The following GTSE1 variants were observed in gnomAD, a reference collection of about 807,000 sequenced individuals.
GTSE1 encodes the protein G2 and S-phase expressed 1.
Under a neutral mutation model 60.5 loss-of-function variants are expected in GTSE1, and 52 were observed. That is an observed-to-expected ratio of 0.86 (90% confidence interval 0.69 to 1.08). The LOEUF (loss-of-function observed/expected upper bound fraction) is 1.08, where lower values mean the gene tolerates loss of function less well. GTSE1 is among the 50% of genes least tolerant of loss of function. The probability of loss-of-function intolerance (pLI) is 0.00; values close to 1 mark genes in which losing one functional copy is unlikely to be tolerated. For synonymous variants in GTSE1, 368 were observed against 386.5 expected, an observed-to-expected ratio of 0.95 and a Z score of 0.56; for missense variants, 937 against 961.8, an observed-to-expected ratio of 0.97 and a Z score of 0.34.
Position 46,321,266 on chromosome 22 carries a change from T to C in GTSE1, c.1433-1924T>C, listed in dbSNP as rs912420302. On this transcript the variant is annotated intron_variant, in intron 7 of 11. Transcript: ENST00000454366. This position sits in a 1 kb window ranked among gnomAD's most constrained non-coding sequence, Gnocchi z 4.0. ...TTCTACAAAAACATTTAGCTGGGCA[T>C]GGTGCTGGGCACCTGTAGTCCCAGC... 2.0e-5 allele frequency among the ~76,000 whole-genome samples: 3 copies of C among 152,112 alleles called. No individual in the cohort carries two copies. Among genetic ancestry groups the C allele is most frequent in the Non-Finnish European group, 4.4e-5 (3 of 68,008 alleles).
In GTSE1 at chr22:46,297,944, C is replaced by T. The variant is rs1467249389; in HGVS notation, c.79+465C>T. Among the ~76,000 whole-genome samples, 1 of 151,868 alleles carries T rather than the reference C, an allele frequency of 6.6e-6. No homozygotes were observed. Among genetic ancestry groups the T allele is most frequent in the Non-Finnish European group, 1.5e-5 (1 of 68,018 alleles). ...GAGTTACAGGCCACACCCTCTTTTT[C>T]TCTCAAAGCGTTTTTATTTATTTAT... is the stretch of plus-strand genomic sequence containing the variant. On this transcript the variant is annotated intron_variant, in intron 2 of 11. Coordinates refer to ENST00000454366, the MANE Select transcript of GTSE1 (RefSeq NM_016426.7). This position sits in a 1 kb window ranked among gnomAD's most constrained non-coding sequence, Gnocchi z 4.9.
chr22:46,326,558 C>T lies in GTSE1; in HGVS notation c.1628C>T (p.Pro543Leu), dbSNP rs752467450. Residue 543 changes from proline (P) to leucine (L), a missense_variant, in exon 9 of 12, where the codon CCG becomes CTG. By Grantham distance (98) the Pro-to-Leu change is moderately conservative (BLOSUM62 -3). Coordinates refer to ENST00000454366, the MANE Select transcript of GTSE1 (RefSeq NM_016426.7). ...AGCCGGCGCTGCTCTGGCCTTCCAC[C>T]GATGACCCCCAAAACGATGCCCAGG... Reference protein sequence around the residue: ...PASRRCSGLPPMTPKTMPRAV... With the variant: ...PASRRCSGLPLMTPKTMPRAV... The T allele has an allele frequency of 2.5e-5, 41 of 1,614,010 alleles. No individual in the cohort carries two copies. Among genetic ancestry groups the T allele is most frequent in the South Asian group, 8.8e-5 (8 of 91,066 alleles).
At position 46,308,312 on chromosome 22, in the gene GTSE1, C is replaced by G. The variant is rs1231713745; in HGVS notation, c.138-7C>G. ...AGTTATTAATCATTCTTTTTTTAAA[C>G]AAATAGTGCAAATGAAGATGATGAA... On this transcript the variant is annotated splice_region_variant and splice_polypyrimidine_tract_variant and intron_variant, in intron 3 of 11. Coordinates refer to ENST00000454366, the MANE Select transcript of GTSE1 (RefSeq NM_016426.7). 1 of 1,609,926 alleles carries G rather than the reference C, an allele frequency of 6.2e-7. No homozygotes were observed. The highest frequency in any genetic ancestry group is 1.7e-5 in the Admixed American group (1 of 59,570).
chr22:46,320,712 C>T lies in GTSE1; in HGVS notation c.1433-2478C>T, dbSNP rs145238523. Among the ~76,000 whole-genome samples the T allele has an allele frequency of 2.8e-3, 428 of 152,306 alleles. 3 individuals are homozygous for T. The highest frequency in any genetic ancestry group is 9.6e-3 in the African/African-American group (399 of 41,566). ...GCTATTTACTATGAGTCCATGCTGC[C>T]GGGTCACCCAGAGGATTGAGACTTG... On this transcript the variant is annotated intron_variant, in intron 7 of 11. Coordinates refer to ENST00000454366, the MANE Select transcript of GTSE1 (RefSeq NM_016426.7). The surrounding 1 kb of genome is among the most constrained non-coding windows in gnomAD (Gnocchi z 7.1).
chr22:46,298,892 C>T (rs571491894), intron 2 of GTSE1, among the ~76,000 whole-genome samples: 1 of 152,292 alleles, frequency 6.6e-6, no homozygotes, highest in East Asian at 1.9e-4. Context: ...TCTCACTTGT[C>T]GCCACGTCTC....
At position 46,309,827 on chromosome 22, in the gene GTSE1, G is replaced by A. The variant is rs751924554; in HGVS notation, c.762+884G>A. 5.3e-5 allele frequency among the ~76,000 whole-genome samples: 8 copies of A among 152,330 alleles called. 1 individual carries two copies. The South Asian group carries it at 8.3e-4, about 16-fold the overall frequency. On this transcript the variant is annotated intron_variant, in intron 4 of 11. Transcript: ENST00000454366. The surrounding 1 kb of genome is among the most constrained non-coding windows in gnomAD (Gnocchi z 6.2). The stretch of plus-strand genomic sequence containing the variant: ...CTGCAAACTCCTTTATTTGGAGCCC[G>A]TTTGGGATGTAGATTCCTACCGTGA...
rs1252186594 is a variant in GTSE1, at chr22:46,317,834, G to A, written c.1432+1422G>A. Among the ~76,000 whole-genome samples the A allele has an allele frequency of 3.9e-5, 6 of 152,016 alleles. No homozygotes were observed. Among genetic ancestry groups the A allele is most frequent in the Non-Finnish European group, 8.8e-5 (6 of 67,970 alleles). The stretch of plus-strand genomic sequence containing the variant: ...TGCTGCTGCAAGATGACACCTTCTC[G>A]GCCCTGTGAGCTCCGCTCGTTGCTC... On this transcript the variant is annotated intron_variant, in intron 7 of 11. Transcript: ENST00000454366. This position sits in a 1 kb window ranked among gnomAD's most constrained non-coding sequence, Gnocchi z 5.6.
intron 2 of GTSE1, among the ~76,000 whole-genome samples, chr22:46,300,475 A>G (rs935302716): frequency 1.3e-5 from 2 of 152,146 alleles, no homozygotes; most frequent in African/African-American, 4.8e-5. Flanking sequence ...ATGGCTTGCA[A>G]ACCCTCTGTG....
rs1052290929 is a variant in GTSE1, at chr22:46,328,886, T to G, written c.1923T>G (p.Ser641Arg). The G allele has an allele frequency of 1.9e-6, 3 of 1,611,776 alleles. No individual in the cohort carries two copies. In the African/African-American group the frequency reaches 4.0e-5, roughly 22 times the overall value. The change falls in exon 10 of 12, where the codon AGT (serine) becomes AGG (arginine). Residue 641 changes from serine to arginine, a missense_variant. Coordinates refer to ENST00000454366, the MANE Select transcript of GTSE1 (RefSeq NM_016426.7). ...AGCCGGGTGGAGATGCAGCCCCTAGTGAGGTGGGCAGAACGGGCGCAGCTG... is the reference window on the plus strand; with the variant it reads ...AGCCGGGTGGAGATGCAGCCCCTAGGGAGGTGGGCAGAACGGGCGCAGCTG... The part of the protein sequence containing the change: ...EAKPGGDAAP[S>R]EALLVDIKLE...
At position 46,329,491 on chromosome 22, in the gene GTSE1, G is replaced by T. The variant is rs764251713; in HGVS notation, c.2060G>T (p.Arg687Met). 6.2e-7 allele frequency: 1 copy of T among 1,614,080 alleles called. No homozygotes were observed. Among genetic ancestry groups the T allele is most frequent in the African/African-American group, 1.3e-5 (1 of 74,922 alleles). ...EAHVAVGSES[R>M]PLIDLMTNTP... The stretch of plus-strand genomic sequence containing the variant: ...CACGTGGCTGTAGGATCTGAAAGCA[G>T]GCCTCTGATCGACCTCATGACAAAC... Residue 687 changes from arginine (R) to methionine (M), a missense_variant, in exon 11 of 12, where the codon AGG becomes ATG. Transcript: ENST00000454366. The surrounding 1 kb of genome is among the most constrained non-coding windows in gnomAD (Gnocchi z 6.4).
chr22:46,323,280 G>A lies in GTSE1; in HGVS notation c.1505+18G>A, dbSNP rs116363199. 6,625 of 1,583,602 alleles carry A rather than the reference G, an allele frequency of 4.2e-3. 232 individuals are homozygous for A. In the African/African-American group the frequency reaches 0.071, roughly 17 times the overall value. Reference sequence around the variant, plus strand: ...GTTGGCAGGTGAGTGACGTTGGTCCGCTTCCTCTCTTTATTGCTGTAGAAT... The same window carrying A: ...GTTGGCAGGTGAGTGACGTTGGTCCACTTCCTCTCTTTATTGCTGTAGAAT... On this transcript the variant is annotated intron_variant, in intron 8 of 11. Coordinates refer to ENST00000454366, the MANE Select transcript of GTSE1 (RefSeq NM_016426.7).
At chr22:46,305,501 C>T (rs1004142946) in intron 2 of GTSE1, among the ~76,000 whole-genome samples, 1 of 152,078 alleles carries the variant, frequency 6.6e-6, no homozygotes, top group African/African-American at 2.4e-5. Context: ...CCCAGCTACT[C>T]GGGAGGCTGA....
rs199623164 is a variant in GTSE1 at position 46,297,415 on chromosome 22, C to G, written c.15C>G (p.Gly5=). 1.9e-6 allele frequency: 3 copies of G among 1,613,122 alleles called. No individual in the cohort carries two copies. In the South Asian group the frequency reaches 3.3e-5, roughly 18 times the overall value. The change falls in exon 2 of 12, where the codon GGC becomes GGG. Residue 5 remains glycine (G), a synonymous_variant. Coordinates refer to ENST00000454366, the MANE Select transcript of GTSE1 (RefSeq NM_016426.7). The surrounding 1 kb of genome is among the most constrained non-coding windows in gnomAD (Gnocchi z 4.9). Reference sequence around the variant, plus strand: ...CAGCTCTCTCCATGGAAGGAGGCGGCGGCCGCGATGAGCCTTCAGCCTGCC... The same window carrying G: ...CAGCTCTCTCCATGGAAGGAGGCGGGGGCCGCGATGAGCCTTCAGCCTGCC... MEGG[G]GRDEPSACRA...
intron 2 of GTSE1, among the ~76,000 whole-genome samples, 198 bp from the exon 3 acceptor site, chr22:46,307,952 A>C (rs540748719): frequency 6.6e-6 from 1 of 152,356 alleles, no homozygotes; most frequent in African/African-American, 2.4e-5. Flanking sequence ...TCACTAGAAA[A>C]AATTTAAAAA....
At position 46,330,592 on chromosome 22, in the gene GTSE1, G is replaced by C. The variant is rs2077870771; in HGVS notation, c.*462G>C. The C allele has an allele frequency of 6.5e-6, 1 of 154,324 alleles. No individual in the cohort carries two copies. Among genetic ancestry groups the C allele is most frequent in the East Asian group, 1.9e-4 (1 of 5,266 alleles). 9.6% of individuals were successfully genotyped at this position (154,324 alleles called of 1,614,324 possible). ...AGGGTGGGCTGAGGGACTGGGGCCA[G>C]CACGGACCACCCAAGGCCTCTGCTT... On this transcript the variant is annotated 3_prime_UTR_variant, in exon 12 of 12. Transcript: ENST00000454366. This position sits in a 1 kb window ranked among gnomAD's most constrained non-coding sequence, Gnocchi z 6.0.
rs1298986363 is a variant in GTSE1 at position 46,328,782 on chromosome 22, G to A, written c.1819G>A (p.Ala607Thr). 38 of 1,613,542 alleles carry A rather than the reference G, an allele frequency of 2.4e-5. No individual in the cohort carries two copies. In the East Asian group the frequency reaches 8.2e-4, roughly 35 times the overall value. Residue 607 changes from alanine (A) to threonine (T), a missense_variant, in exon 10 of 12, where the codon GCA becomes ACA. Ala to Thr is a moderately conservative substitution (Grantham distance 58). Coordinates refer to ENST00000454366, the MANE Select transcript of GTSE1 (RefSeq NM_016426.7). ...TTCTCCTCCTTCCCGTGTGCCTCAG[G>A]CACTTAACTTTTCTCCAGAGGAAAG... ...RGSPPSRVPQ[A>T]LNFSPEESDS...
In GTSE1 at chr22:46,297,446, GGGGAC is replaced by G; in HGVS notation, c.48_52del (p.Asp17GlufsTer4). On this transcript the variant is annotated frameshift_variant, in exon 2 of 12. Transcript: ENST00000454366. LOFTEE classifies it high-confidence loss of function. This position sits in a 1 kb window ranked among gnomAD's most constrained non-coding sequence, Gnocchi z 4.9. ...CGATGAGCCTTCAGCCTGCCGGGCA[GGGGAC>G]GTGAACATGGATGACCCTAAGAAGG... 2 of 1,613,816 alleles carry G rather than the reference GGGGAC, an allele frequency of 1.2e-6. No individual in the cohort carries two copies. The highest frequency in any genetic ancestry group is 1.7e-6 in the Non-Finnish European group (2 of 1,179,684).
chr22:46,301,674 A>G lies in GTSE1; in HGVS notation c.79+4195A>G, dbSNP rs553476986. Among the ~76,000 whole-genome samples, 268 of 151,952 alleles carry G rather than the reference A, an allele frequency of 1.8e-3. 2 individuals carry two copies. Among genetic ancestry groups the G allele is most frequent in the African/African-American group, 6.3e-3 (262 of 41,456 alleles). ...GGCTAATTTTTTGTATTTTTAGTAAAGATGAGGTTTCACCATGTTGGCCAG... is the reference window on the plus strand; with the variant it reads ...GGCTAATTTTTTGTATTTTTAGTAAGGATGAGGTTTCACCATGTTGGCCAG... On this transcript the variant is annotated intron_variant, in intron 2 of 11. Coordinates refer to ENST00000454366, the MANE Select transcript of GTSE1 (RefSeq NM_016426.7).
At position 46,308,826 on chromosome 22, in the gene GTSE1, A is replaced by G. The variant is rs1215688272; in HGVS notation, c.645A>G (p.Glu215=). 6.8e-6 allele frequency: 11 copies of G among 1,613,166 alleles called. No homozygotes were observed. The highest frequency in any genetic ancestry group is 1.3e-5 in the African/African-American group (1 of 74,940). Residue 215 remains glutamate, a synonymous_variant, in exon 4 of 12, where the codon GAA becomes GAG. Transcript: ENST00000454366. ...PPHSAHALPR[E]SCTAHAASQA... ...ACTCTGCTCATGCTTTGCCCAGGGA[A>G]TCATGCACTGCTCATGCTGCAAGTC... is the stretch of plus-strand genomic sequence containing the variant.
Sources: gnomAD v4.1 joint callset for allele counts (sites outside exome capture counted in the v4.1 genomes callset) on GRCh38, gnomAD v4.1.1 for gene constraint, Gnocchi (gnomAD v3.1) non-coding constraint, MANE v1.5 for transcripts, NCBI Gene and HGNC (gene_info 2026-07-23, HGNC 2026-07-21) for gene names.